SLC36A2: variants seen among roughly 807,000 people sequenced by gnomAD.
SLC36A2 encodes solute carrier family 36 member 2.
In SLC36A2, 39 loss-of-function variants were observed where a neutral mutation model predicts 42.7. The observed-to-expected ratio is 0.91, with a 90% CI of 0.71 to 1.19. The LOEUF is 1.19. Among genes scored for constraint, SLC36A2 ranks in the 50% most tolerant of loss-of-function variants. The pLI is 0.00. For synonymous variants in SLC36A2, 237 were observed against 240.8 expected (o/e 0.98, Z 0.15); for missense variants, 590 against 613.7 (o/e 0.96, Z 0.41).
intron 6 of SLC36A2, among the ~76,000 whole-genome samples, chr5:151,334,196 A>G (rs753478253): frequency 1.2e-4 from 18 of 152,364 alleles, no homozygotes; most frequent in Admixed American, 4.6e-4. Context: ...TCAATTTTAT[A>G]GAATTCATCA....
intron 1 of SLC36A2, among the ~76,000 whole-genome samples, chr5:151,345,302 C>G (rs371980492): frequency 2.6e-5 from 4 of 152,126 alleles, no homozygotes; most frequent in African/African-American, 7.2e-5. Flanking sequence ...GAAAGGAGCC[C>G]GGTCTCTGGG....
Position 151,344,234 on chromosome 5 carries a change from G to A in SLC36A2, c.198C>T (p.Gly66=), listed in dbSNP as rs778300844. The A allele has an allele frequency of 3.1e-6, 5 of 1,614,138 alleles. No individual in the cohort carries two copies. The South Asian group carries it at 5.5e-5, about 18-fold the overall frequency. ...VFQALIHLVK[G]NMGTGILGLP... is the part of the protein sequence containing the mutation. ...GTCCCAGGATCCCTGTGCCCATGTTGCCTTTCACCAGGTGAATCAAGGCCT... is the reference window on the plus strand; with the variant it reads ...GTCCCAGGATCCCTGTGCCCATGTTACCTTTCACCAGGTGAATCAAGGCCT... The change falls in exon 2 of 10, where the codon GGC becomes GGT. Residue 66 remains glycine, a synonymous_variant. Transcript: ENST00000335244.
Position 151,325,154 on chromosome 5 carries a change from C to G in SLC36A2, c.1010+132G>C, listed in dbSNP as rs1049831102. 3 of 1,076,266 alleles carry G rather than the reference C, an allele frequency of 2.8e-6. No individual in the cohort carries two copies. The East Asian group carries it at 7.7e-5, about 28-fold the overall frequency. 66.7% of individuals were successfully genotyped at this position (1,076,266 alleles called of 1,614,324 possible). On this transcript the variant is annotated intron_variant, in intron 8 of 9. Coordinates refer to ENST00000335244, the MANE Select transcript of SLC36A2 (RefSeq NM_181776.3). ...ACAGAGAATCTGGAGACCGTGGTTCCAATGACAATTCTGCTTCTTCTGTGG... is the reference window on the plus strand; with the variant it reads ...ACAGAGAATCTGGAGACCGTGGTTCGAATGACAATTCTGCTTCTTCTGTGG...
At chr5:151,342,432 C>A (rs1756373277) in intron 4 of SLC36A2, among the ~76,000 whole-genome samples, 1 of 152,156 alleles carries the variant, frequency 6.6e-6, no homozygotes, top group African/African-American at 2.4e-5. Flanking sequence ...CTAGAAAGCC[C>A]TCCTCTCCCC....
intron 6 of SLC36A2, among the ~76,000 whole-genome samples, chr5:151,334,783 C>T (rs566579538): frequency 6.6e-6 from 1 of 151,884 alleles, no homozygotes; most frequent in East Asian, 1.9e-4. Context: ...CATAATTCAA[C>T]ATCAAAGACA....
rs1410203535 is a variant in SLC36A2, at chr5:151,318,461, A to T, written c.1181-1373T>A. Among the ~76,000 whole-genome samples the T allele has an allele frequency of 3.6e-5, 5 of 138,658 alleles. No individual in the cohort carries two copies. In the East Asian group the frequency reaches 7.8e-4, roughly 22 times the overall value. The allele number at this position is 138,658 out of a possible 152,430, so 91.0% of individuals were successfully genotyped here. A position where few individuals can be genotyped will look rare whatever the true frequency, so the allele number is the denominator to read the frequency against. On this transcript the variant is annotated intron_variant, in intron 9 of 9. Coordinates refer to ENST00000335244, the MANE Select transcript of SLC36A2 (RefSeq NM_181776.3). ...ATAATACAAATTTATTATTTATTTT[A>T]TATATAAATAAAATATATTTTATAT...
intron 5 of SLC36A2, among the ~76,000 whole-genome samples, chr5:151,337,098 A>G (rs1321371823): frequency 1.3e-5 from 2 of 152,192 alleles, no homozygotes; most frequent in Non-Finnish European, 2.9e-5. Context: ...AATTGGAAAA[A>G]TAGCTGGAAC....
chr5:151,326,603 C>G lies in SLC36A2; in HGVS notation c.844-1151G>C, dbSNP rs139910314. 2.1e-3 allele frequency among the ~76,000 whole-genome samples: 321 copies of G among 152,256 alleles called. 2 individuals are homozygous for G. Among genetic ancestry groups the G allele is most frequent in the African/African-American group, 7.4e-3 (309 of 41,556 alleles). On this transcript the variant is annotated intron_variant, in intron 7 of 9. Coordinates refer to ENST00000335244, the MANE Select transcript of SLC36A2 (RefSeq NM_181776.3). ...AATCCAAGTTGAGGCCAGTCTGCCT[C>G]TTGCCGGTTGGACATTTGAAGGTCT...
intron 8 of SLC36A2, among the ~76,000 whole-genome samples, chr5:151,324,707 CCTT>C (rs1365780565): frequency 6.6e-6 from 1 of 152,114 alleles, no homozygotes; most frequent in Non-Finnish European, 1.5e-5. Context: ...GTGATGATAG[CCTT>C]CTGTAACCTC....
At position 151,344,260 on chromosome 5, in the gene SLC36A2, G is replaced by A. The variant is rs979400454; in HGVS notation, c.172C>T (p.Gln58Ter). 4 of 1,613,272 alleles carry A rather than the reference G, an allele frequency of 2.5e-6. No homozygotes were observed. The highest frequency in any genetic ancestry group is 2.7e-5 in the African/African-American group (2 of 74,926). ...CCTTTCACCAGGTGAATCAAGGCCT[G>A]GAACACTCTAAAGGAGAGGAAGGAG... is the stretch of plus-strand genomic sequence containing the variant. Reference protein sequence around the residue: ...LKKTKGITVFQALIHLVKGNM... With the variant: ...LKKTKGITVF Residue 58 changes from glutamine (Q) to a stop codon, truncating the protein, a stop_gained, in exon 2 of 10, where the codon CAG becomes TAG. Transcript: ENST00000335244. LOFTEE classifies it high-confidence loss of function.
At chr5:151,334,016 A>AT (rs1491271715) in intron 6 of SLC36A2, among the ~76,000 whole-genome samples, 7 of 151,988 alleles carry the variant, frequency 4.6e-5, no homozygotes, top group East Asian at 1.9e-4. Flanking sequence ...TGAAAGATCC[A>AT]TTTTTTTCTT....
chr5:151,331,380 A>C (rs1755991645), intron 7 of SLC36A2, among the ~76,000 whole-genome samples: 1 of 150,912 alleles, frequency 6.6e-6, no homozygotes, highest in African/African-American at 2.4e-5. Flanking sequence ...GCTGTGGTAC[A>C]ATCATAGCTC....
chr5:151,317,528 G>C (rs1379350365), intron 9 of SLC36A2, among the ~76,000 whole-genome samples: 1 of 150,182 alleles, frequency 6.7e-6, no homozygotes, highest in African/African-American at 2.5e-5. Flanking sequence ...AGAAAGAAAA[G>C]TTAAAAGTCC....
At position 151,316,901 on chromosome 5, in the gene SLC36A2, C is replaced by T. The variant is rs1667273388; in HGVS notation, c.1368G>A (p.Val456=). Residue 456 remains valine, a synonymous_variant, in exon 10 of 10, where the codon GTG becomes GTA. Transcript: ENST00000335244. ...LISILGFVGF[V]VGTYQALDEL... ...CGTCCAGGGCCTGGTAGGTCCCCACCACAAAGCCCACGAAGCCCAGGATGC... is the reference window on the plus strand; with the variant it reads ...CGTCCAGGGCCTGGTAGGTCCCCACTACAAAGCCCACGAAGCCCAGGATGC... The T allele has an allele frequency of 1.1e-5, 17 of 1,613,946 alleles. No individual in the cohort carries two copies. The highest frequency in any genetic ancestry group is 2.7e-5 in the African/African-American group (2 of 74,880).
At position 151,317,044 on chromosome 5, in the gene SLC36A2, G is replaced by A; in HGVS notation, c.1225C>T (p.Leu409=). 1 of 1,614,180 alleles carries A rather than the reference G, an allele frequency of 6.2e-7. No individual in the cohort carries two copies. Among genetic ancestry groups the A allele is most frequent in the Non-Finnish European group, 8.5e-7 (1 of 1,180,028 alleles). The change falls in exon 10 of 10, where the codon CTG becomes TTG. Residue 409 remains leucine (L), a synonymous_variant. Coordinates refer to ENST00000335244, the MANE Select transcript of SLC36A2 (RefSeq NM_181776.3). ...GCGGTGCCACTCACGGAGCCCACCA[G>A]GGAGATGACCAGGTCCAGGCGGGGG... The part of the protein sequence containing the change: ...LIPRLDLVIS[L]VGSVSGTALA...
At chr5:151,344,293 G>A (rs563590858) in intron 1 of SLC36A2, 26 bp from the exon 2 acceptor site, 2 of 1,582,264 alleles carry the variant, frequency 1.3e-6, no homozygotes, top group African/African-American at 2.7e-5. Flanking sequence ...GAGATGTGAA[G>A]TATGGGTGTG....
At position 151,318,593 on chromosome 5, in the gene SLC36A2, A is replaced by T. The variant is rs544169867; in HGVS notation, c.1181-1505T>A. ...ATATAATAAATATTTTATATATATA[A>T]AAATATAATAAATATAAATAATATA... On this transcript the variant is annotated intron_variant, in intron 9 of 9. Coordinates refer to ENST00000335244, the MANE Select transcript of SLC36A2 (RefSeq NM_181776.3). Among the ~76,000 whole-genome samples, 35 of 146,178 alleles carry T rather than the reference A, an allele frequency of 2.4e-4. No homozygotes were observed. The East Asian group carries it at 5.5e-3, about 23-fold the overall frequency.
At chr5:151,322,543 C>T (rs1755724680) in intron 8 of SLC36A2, among the ~76,000 whole-genome samples, 1 of 152,214 alleles carries the variant, frequency 6.6e-6, no homozygotes, top group Non-Finnish European at 1.5e-5. Flanking sequence ...GGCTCAGGCT[C>T]AGGCCAGATA....
intron 4 of SLC36A2, among the ~76,000 whole-genome samples, chr5:151,341,185 C>A (rs1580863491): frequency 1.3e-5 from 2 of 152,074 alleles, no homozygotes; most frequent in South Asian, 4.1e-4. Flanking sequence ...AAGAAGATCC[C>A]TAAATGGAGC....
Sources: gnomAD v4.1 joint callset for allele counts (sites outside exome capture counted in the v4.1 genomes callset) on GRCh38, gnomAD v4.1.1 for gene constraint, MANE v1.5 for transcripts, NCBI Gene and HGNC (gene_info 2026-07-23, HGNC 2026-07-21) for gene names.